Variants in CPQ observed in about 807,000 individuals in gnomAD.
CPQ encodes carboxypeptidase Q.
Under a neutral mutation model 45.7 loss-of-function variants are expected in CPQ, and 37 were observed. The ratio of observed to expected loss-of-function variants is 0.81; its 90% confidence interval spans 0.62 to 1.07. CPQ has a LOEUF of 1.07. Among genes scored for constraint, CPQ ranks in the 50% least tolerant of loss-of-function variants. CPQ has a pLI of 0.00. For missense variants in CPQ, 537 were observed against 572.9 expected (o/e 0.94, Z 0.64); for synonymous variants, 186 against 205.8 (o/e 0.90, Z 0.82).
intron 1 of CPQ, among the ~76,000 whole-genome samples, chr8:96,676,165 A>C (rs1359165437): frequency 6.6e-6 from 1 of 151,968 alleles, no homozygotes; most frequent in African/African-American, 2.4e-5. Context: ...TGAAATAATA[A>C]ATTATTATTA....
At chr8:96,812,498 T>C (rs1811171011) in intron 2 of CPQ, among the ~76,000 whole-genome samples, 1 of 152,180 alleles carries the variant, frequency 6.6e-6, no homozygotes, top group Non-Finnish European at 1.5e-5. Context: ...AAGTAATTGC[T>C]GTAAAATATT....
chr8:96,885,235 C>T (rs1812285163), intron 4 of CPQ, among the ~76,000 whole-genome samples: 1 of 152,120 alleles, frequency 6.6e-6, no homozygotes, highest in South Asian at 2.1e-4. Flanking sequence ...AGGAGGGGAC[C>T]AAACTCCTTT....
intron 1 of CPQ, among the ~76,000 whole-genome samples, chr8:96,767,493 C>CCT (rs1810482186): frequency 6.8e-6 from 1 of 147,242 alleles, no homozygotes; most frequent in African/African-American, 2.5e-5. Flanking sequence ...CTCCAAGTAT[C>CCT]TTTTTTTTTT....
At position 96,985,269 on chromosome 8, in the gene CPQ, G is replaced by GT. The variant is rs35640819; in HGVS notation, c.961+19234dup. 1.6e-3 allele frequency among the ~76,000 whole-genome samples: 240 copies of GT among 147,340 alleles called. 2 individuals are homozygous for GT. The highest frequency in any genetic ancestry group is 7.7e-3 in the East Asian group (38 of 4,956). ...CAATCTGAGAACTGGGAGCTCTTAT[G>GT]TTTTTTTTTTTAATTCAGTAATGTC... On this transcript the variant is annotated intron_variant, in intron 5 of 7. Transcript: ENST00000220763.
intron 7 of CPQ, among the ~76,000 whole-genome samples, chr8:97,105,434 G>A (rs376828980): frequency 6.6e-6 from 1 of 152,156 alleles, no homozygotes; most frequent in South Asian, 2.1e-4. Flanking sequence ...CATTGTATGT[G>A]TATACCATGT....
At chr8:96,944,822 ATTCCT>A (rs2130328249) in intron 4 of CPQ, among the ~76,000 whole-genome samples, 2 of 152,268 alleles carry the variant, frequency 1.3e-5, no homozygotes, top group South Asian at 2.1e-4. Flanking sequence ...TTGCATATTT[ATTCCT>A]TTCAATTTAA....
chr8:96,662,686 C>A (rs1405667749), intron 1 of CPQ, among the ~76,000 whole-genome samples: 1 of 152,042 alleles, frequency 6.6e-6, no homozygotes, highest in African/African-American at 2.4e-5. Flanking sequence ...GTTGGTTTTT[C>A]AAAAATTATT....
chr8:97,123,914 G>A (rs1180972702), intron 7 of CPQ, among the ~76,000 whole-genome samples: 1 of 152,118 alleles, frequency 6.6e-6, no homozygotes, highest in Non-Finnish European at 1.5e-5. Context: ...TAGAGAGGAG[G>A]AGGGACATTT....
intron 3 of CPQ, among the ~76,000 whole-genome samples, chr8:96,866,979 A>G (rs1454646289): frequency 5.3e-5 from 8 of 152,098 alleles, no homozygotes; most frequent in Admixed American, 5.2e-4. Flanking sequence ...AAAGTACCAG[A>G]TGAAAGTATT....
At chr8:96,765,647 T>G (rs994066478) in intron 1 of CPQ, among the ~76,000 whole-genome samples, 2 of 152,212 alleles carry the variant, frequency 1.3e-5, no homozygotes, top group African/African-American at 2.4e-5. Flanking sequence ...CATAGTAGTA[T>G]TATAATAGCA....
In CPQ at chr8:96,965,813, A is replaced by T. The variant is rs1813546908; in HGVS notation, c.850-122A>T. On this transcript the variant is annotated intron_variant, in intron 4 of 7. Coordinates refer to ENST00000220763, the MANE Select transcript of CPQ (RefSeq NM_016134.4). ...CTAATAATGACACATATCTTTAAAG[A>T]CATAAAAATAGGAAAGAAAATATAA... is the stretch of plus-strand genomic sequence containing the variant. The T allele has an allele frequency of 5.0e-6, 3 of 599,434 alleles. No individual in the cohort carries two copies. The South Asian group carries it at 8.1e-5, about 16-fold the overall frequency. 37.1% of individuals were successfully genotyped at this position (599,434 alleles called of 1,614,324 possible).
chr8:97,106,321 C>T (rs1022907137), intron 7 of CPQ, among the ~76,000 whole-genome samples: 5 of 152,154 alleles, frequency 3.3e-5, no homozygotes, highest in South Asian at 2.1e-4. Context: ...GATGAGTTCC[C>T]GGGTTCTGAC....
chr8:96,914,802 A>T (rs1421701564), intron 4 of CPQ, among the ~76,000 whole-genome samples: 2 of 152,268 alleles, frequency 1.3e-5, no homozygotes, highest in East Asian at 1.9e-4. Flanking sequence ...GAACAAGGCG[A>T]TTGCTCAGAT....
chr8:96,943,636 T>G lies in CPQ; in HGVS notation c.850-22299T>G, dbSNP rs76929235. ...GTTTATTTAAGTTAAAATGAAATAATGGAGGAAATTAGGAATCTGAAGAAA... is the reference window on the plus strand; with the variant it reads ...GTTTATTTAAGTTAAAATGAAATAAGGGAGGAAATTAGGAATCTGAAGAAA... On this transcript the variant is annotated intron_variant, in intron 4 of 7. Coordinates refer to ENST00000220763, the MANE Select transcript of CPQ (RefSeq NM_016134.4). Among the ~76,000 whole-genome samples, 333 of 152,232 alleles carry G rather than the reference T, an allele frequency of 2.2e-3. 1 individual carries two copies. The highest frequency in any genetic ancestry group is 6.8e-3 in the Middle Eastern group (2 of 294).
chr8:96,859,785 T>C (rs1189873957), intron 3 of CPQ, among the ~76,000 whole-genome samples: 2 of 152,208 alleles, frequency 1.3e-5, no homozygotes, highest in Non-Finnish European at 2.9e-5. Flanking sequence ...ATGATGTCTG[T>C]GGCTTATTTG....
At chr8:97,024,135 C>G (rs1255214172) in intron 5 of CPQ, among the ~76,000 whole-genome samples, 2 of 152,164 alleles carry the variant, frequency 1.3e-5, no homozygotes, top group African/African-American at 2.4e-5. Context: ...GAGCCCAGAT[C>G]AACAGCCCAG....
chr8:96,712,589 C>T (rs1192320739), intron 1 of CPQ, among the ~76,000 whole-genome samples: 1 of 152,204 alleles, frequency 6.6e-6, no homozygotes, highest in African/African-American at 2.4e-5. Flanking sequence ...TGCTTGCACT[C>T]TCTGAAGCAA....
intron 6 of CPQ, among the ~76,000 whole-genome samples, chr8:97,033,901 T>C (rs926951889): frequency 3.3e-5 from 5 of 152,136 alleles, no homozygotes; most frequent in Non-Finnish European, 7.4e-5. Flanking sequence ...TGTACTCTAA[T>C]TAATATATGC....
chr8:97,055,944 C>CA (rs931864074), intron 6 of CPQ, among the ~76,000 whole-genome samples: 9 of 152,016 alleles, frequency 5.9e-5, no homozygotes, highest in African/African-American at 1.9e-4. Flanking sequence ...TATAAAAACA[C>CA]AAAAAAATTA....
Sources: gnomAD v4.1 joint callset for allele counts (sites outside exome capture counted in the v4.1 genomes callset) on GRCh38, gnomAD v4.1.1 for gene constraint, MANE v1.5 for transcripts, NCBI Gene and HGNC (gene_info 2026-07-23, HGNC 2026-07-21) for gene names.